The following NRG3 variants were observed in gnomAD, a reference collection of about 807,000 sequenced individuals.
The protein encoded by NRG3 is pro-neuregulin-3, membrane-bound isoform.
A neutral mutation model predicts 66.9 loss-of-function variants in NRG3; 31 were observed. That is an observed-to-expected ratio of 0.46 (90% CI 0.35 to 0.63). The LOEUF is 0.63. Among genes scored for constraint, NRG3 ranks in the 20% least tolerant of loss-of-function variants. NRG3 has a pLI of 0.00. For synonymous variants in NRG3, 393 were observed against 359.4 expected (o/e 1.09, Z -1.06); for missense variants, 910 against 878.9 (o/e 1.04, Z -0.45).
At chr10:82,948,884 A>T (rs1268682327) in intron 4 of NRG3, among the ~76,000 whole-genome samples, 1 of 152,242 alleles carries the variant, frequency 6.6e-6, no homozygotes, top group African/African-American at 2.4e-5. Flanking sequence ...TACTTTCCCC[A>T]GCTGAATGAT....
intron 3 of NRG3, among the ~76,000 whole-genome samples, chr10:82,759,030 G>T (rs906745590): frequency 3.3e-5 from 5 of 152,056 alleles, no homozygotes; most frequent in Non-Finnish European, 7.4e-5. Context: ...TCCCCAATGG[G>T]GCAGTGTTGG....
At chr10:82,370,922 T>C (rs1014133485) in intron 2 of NRG3, among the ~76,000 whole-genome samples, 6 of 151,668 alleles carry the variant, frequency 4.0e-5, no homozygotes, top group African/African-American at 2.4e-5. Context: ...ATATTTCTAC[T>C]AAAGGCAGCT....
chr10:81,904,866 C>G (rs1225896612), intron 1 of NRG3, among the ~76,000 whole-genome samples: 2 of 152,092 alleles, frequency 1.3e-5, no homozygotes, highest in African/African-American at 4.8e-5. Context: ...TATCATGGTA[C>G]CTGCCTCAGA....
chr10:82,576,033 T>A (rs2046009895), intron 2 of NRG3, among the ~76,000 whole-genome samples: 1 of 151,722 alleles, frequency 6.6e-6, no homozygotes, highest in South Asian at 2.1e-4. Context: ...AGATTAGAAG[T>A]TAAGTGAACA....
intron 1 of NRG3, among the ~76,000 whole-genome samples, chr10:81,912,782 C>T (rs530876940): frequency 1.3e-5 from 2 of 152,290 alleles, no homozygotes; most frequent in Non-Finnish European, 2.9e-5. Context: ...TTGGCTCACT[C>T]ATGCATCTGA....
At chr10:82,568,105 C>T (rs1385460320) in intron 2 of NRG3, among the ~76,000 whole-genome samples, 2 of 151,828 alleles carry the variant, frequency 1.3e-5, no homozygotes, top group Non-Finnish European at 2.9e-5. Flanking sequence ...AACATCATGG[C>T]ACAAATGAAC....
At chr10:82,844,317 C>G (rs1324113233) in intron 3 of NRG3, among the ~76,000 whole-genome samples, 2 of 152,200 alleles carry the variant, frequency 1.3e-5, no homozygotes, top group Admixed American at 1.3e-4. Context: ...CTGCTGCACT[C>G]TCTATTAATC....
intron 2 of NRG3, among the ~76,000 whole-genome samples, chr10:82,688,845 G>A (rs2054708093): frequency 1.3e-5 from 2 of 151,310 alleles, no homozygotes; most frequent in South Asian, 2.1e-4. Flanking sequence ...TTTTATTGTT[G>A]TGTATTATAG....
chr10:82,510,049 TG>T (rs1845032341), intron 2 of NRG3, among the ~76,000 whole-genome samples: 1 of 152,196 alleles, frequency 6.6e-6, no homozygotes, highest in African/African-American at 2.4e-5. Context: ...TGTGATCTAG[TG>T]GATTCTAACT....
chr10:82,798,906 G>A (rs1470564836), intron 3 of NRG3, among the ~76,000 whole-genome samples: 1 of 152,124 alleles, frequency 6.6e-6, no homozygotes, highest in African/African-American at 2.4e-5. Flanking sequence ...AGGACTGGCT[G>A]GGCTGGAGTC....
At chr10:82,976,303 G>T (rs967402741) in intron 7 of NRG3, among the ~76,000 whole-genome samples, 1 of 152,060 alleles carries the variant, frequency 6.6e-6, no homozygotes, top group Non-Finnish European at 1.5e-5. Flanking sequence ...TGATCCGCCC[G>T]CCTCAGCCTC....
chr10:81,943,461 T>C (rs1848571261), intron 1 of NRG3, among the ~76,000 whole-genome samples: 2 of 152,188 alleles, frequency 1.3e-5, no homozygotes, highest in African/African-American at 4.8e-5. Flanking sequence ...GTGGAAAGCA[T>C]CTCCTGAAAT....
chr10:82,413,039 A>G (rs147468323), intron 2 of NRG3, among the ~76,000 whole-genome samples: 2 of 152,194 alleles, frequency 1.3e-5, no homozygotes, highest in East Asian at 3.9e-4. Context: ...GTTGGAATCA[A>G]CTTCTTTCCA....
At chr10:82,106,646 CA>C (rs960585454) in intron 1 of NRG3, among the ~76,000 whole-genome samples, 2 of 151,946 alleles carry the variant, frequency 1.3e-5, no homozygotes, top group African/African-American at 4.8e-5. Context: ...GCTGGGACTG[CA>C]GGCGCGCACC....
intron 4 of NRG3, among the ~76,000 whole-genome samples, chr10:82,918,248 G>A (rs117984047): frequency 6.6e-6 from 1 of 152,064 alleles, no homozygotes; most frequent in Non-Finnish European, 1.5e-5. Context: ...TACATGGCAA[G>A]CATTCACAGA....
At chr10:82,145,270 C>A (rs918745440) in intron 1 of NRG3, among the ~76,000 whole-genome samples, 3 of 152,146 alleles carry the variant, frequency 2.0e-5, no homozygotes, top group East Asian at 3.9e-4. Flanking sequence ...AATGGAAGAC[C>A]CTATTTTCTT....
intron 1 of NRG3, among the ~76,000 whole-genome samples, chr10:82,132,518 TATATATGATATATA>T (rs1564593911): frequency 0.014 from 183 of 13,150 alleles, 42 homozygotes; most frequent in Non-Finnish European, 0.028. Flanking sequence ...ATATATATGA[TATATATGATATATA>T]TATGATATAT....
At chr10:82,385,349 A>G (rs1247039357) in intron 2 of NRG3, among the ~76,000 whole-genome samples, 2 of 152,020 alleles carry the variant, frequency 1.3e-5, no homozygotes, top group Admixed American at 6.6e-5. Context: ...TATTGACTGT[A>G]TTTATTATAC....
At chr10:82,229,617 CCTT>C (rs1479286396) in intron 1 of NRG3, among the ~76,000 whole-genome samples, 1 of 152,144 alleles carries the variant, frequency 6.6e-6, no homozygotes, top group South Asian at 2.1e-4. Flanking sequence ...ACAACCATGT[CCTT>C]CTTCACATGG....
Sources: allele counts gnomAD v4.1 joint callset (sites outside exome capture counted in the v4.1 genomes callset), GRCh38; gene constraint gnomAD v4.1.1; transcripts MANE v1.5; gene names NCBI Gene and HGNC (gene_info 2026-07-23, HGNC 2026-07-21).